Variants in MKI67 observed in about 807,000 individuals in gnomAD.
MKI67 encodes marker of proliferation Ki-67.
MKI67 carries 152 observed loss-of-function variants against 233.5 expected under a neutral mutation model. That is an observed-to-expected ratio of 0.65 (90% CI 0.57 to 0.74). The LOEUF (loss-of-function observed/expected upper bound fraction) is 0.74. Ranked by LOEUF, MKI67 falls within the 30% of genes least tolerant of loss-of-function variation. The pLI, the probability that MKI67 is intolerant of heterozygous loss-of-function variation, is 0.00. For missense variants in MKI67, 3,940 were observed against 3,885.2 expected (o/e 1.01, Z -0.37); for synonymous variants, 1,465 against 1,418.5 (o/e 1.03, Z -0.74).
rs781480835 is a variant in MKI67 at position 128,107,626 on chromosome 10, G to A, written c.4214C>T (p.Ser1405Leu). 2 of 1,614,076 alleles carry A rather than the reference G, an allele frequency of 1.2e-6. No homozygotes were observed. The highest frequency in any genetic ancestry group is 1.7e-5 in the Admixed American group (1 of 60,006). ...LEKRDVQKEL[S>L]ALKKLTQTSG... is the part of the protein sequence containing the mutation. Reference sequence around the variant, plus strand: ...TGTCTGTGTGAGCTTCTTCAGGGCTGAGAGCTCCTTCTGTACGTCCCTTTT... The same window carrying A: ...TGTCTGTGTGAGCTTCTTCAGGGCTAAGAGCTCCTTCTGTACGTCCCTTTT... Residue 1405 changes from serine (S) to leucine (L), a missense_variant, in exon 13 of 15, where the codon TCA becomes TTA. By Grantham distance (145) the Ser-to-Leu change is moderately radical. Coordinates refer to ENST00000368654, the MANE Select transcript of MKI67 (RefSeq NM_002417.5).
rs1459338581 is a variant in MKI67 at position 128,106,766 on chromosome 10, C to CAGTTAGACTTGCTGCT, written c.5058_5073dup (p.Gly1692SerfsTer15). On this transcript the variant is annotated frameshift_variant, in exon 13 of 15. Transcript: ENST00000368654. LOFTEE classifies it high-confidence loss of function. The stretch of plus-strand genomic sequence containing the variant: ...GGAGTTCTCAGCTGCCTCTTGCTGC[C>CAGTTAGACTTGCTGCT]AGTTAGACTTGCTGCTGAGTCTAAG... 6.2e-7 allele frequency: 1 copy of CAGTTAGACTTGCTGCT among 1,614,066 alleles called. No homozygotes were observed. The highest frequency in any genetic ancestry group is 1.7e-5 in the Admixed American group (1 of 60,018).
Position 128,102,839 on chromosome 10 carries a change from C to T in MKI67, c.9001G>A (p.Gly3001Ser). ...LPPLPFKRGG[G>S]KDGSVTGTKR... is the part of the protein sequence containing the mutation. ...GTTCCCGTGACGCTTCCATCTTTGCCACCTCCCCTCTTGAAGGGCAGTGGG... is the reference window on the plus strand; with the variant it reads ...GTTCCCGTGACGCTTCCATCTTTGCTACCTCCCCTCTTGAAGGGCAGTGGG... The change falls in exon 13 of 15, where the codon GGC becomes AGC. Residue 3001 changes from glycine to serine, a missense_variant. Coordinates refer to ENST00000368654, the MANE Select transcript of MKI67 (RefSeq NM_002417.5). The T allele has an allele frequency of 6.2e-7, 1 of 1,614,210 alleles. No individual in the cohort carries two copies. Among genetic ancestry groups the T allele is most frequent in the Non-Finnish European group, 8.5e-7 (1 of 1,180,044 alleles).
At position 128,108,447 on chromosome 10, in the gene MKI67, A is replaced by T; in HGVS notation, c.3393T>A (p.Ser1131=). The stretch of plus-strand genomic sequence containing the variant: ...GAGTGTCCACTGATTCTGGTGGTGG[A>T]GATTTGCAGGCTATTTTGGTAGTTT... The part of the protein sequence containing the change: ...DEKTTKIACK[S]PPPESVDTPT... The change falls in exon 13 of 15, where the codon TCT becomes TCA. Residue 1131 remains serine, a synonymous_variant. Transcript: ENST00000368654. The T allele has an allele frequency of 6.2e-7, 1 of 1,613,652 alleles. No individual in the cohort carries two copies. Among genetic ancestry groups the T allele is most frequent in the Non-Finnish European group, 8.5e-7 (1 of 1,179,958 alleles).
At chr10:128,122,481 A>G (rs1852969130) in intron 4 of MKI67, among the ~76,000 whole-genome samples, 1 of 152,122 alleles carries the variant, frequency 6.6e-6, no homozygotes, top group African/African-American at 2.4e-5. Context: ...ATCAGTCCAT[A>G]ATAGGTGGTG....
chr10:128,114,185 G>A (rs1369224494), intron 7 of MKI67, among the ~76,000 whole-genome samples: 1 of 152,198 alleles, frequency 6.6e-6, no homozygotes, highest in South Asian at 2.1e-4. Flanking sequence ...TAGGCCACCT[G>A]CAGAAACACA....
rs1257779334 is a variant in MKI67, at chr10:128,115,458, T to C, written c.950A>G (p.Lys317Arg). ...AGACTCCACGTCTCTTCCCTTCCCC[T>C]TGTTCTGGTCAAGCTCTTGTTCAGG... ...ASPEQELDQN[K>R]GKGRDVESVQ... Residue 317 changes from lysine to arginine, a missense_variant, in exon 7 of 15, where the codon AAG becomes AGG. Coordinates refer to ENST00000368654, the MANE Select transcript of MKI67 (RefSeq NM_002417.5). 9.3e-6 allele frequency: 15 copies of C among 1,613,680 alleles called. No homozygotes were observed. Among genetic ancestry groups the C allele is most frequent in the Non-Finnish European group, 1.3e-5 (15 of 1,179,914 alleles).
In MKI67 at chr10:128,103,789, T is replaced by C. The variant is rs147190125; in HGVS notation, c.8051A>G (p.Glu2684Gly). 6.2e-7 allele frequency: 1 copy of C among 1,613,840 alleles called. No individual in the cohort carries two copies. The highest frequency in any genetic ancestry group is 1.3e-5 in the African/African-American group (1 of 74,820). The change falls in exon 13 of 15, where the codon GAG becomes GGG. Residue 2684 changes from glutamate to glycine, a missense_variant. Transcript: ENST00000368654. ...QPLEDLAGFT[E>G]LSETSGHTQE... The stretch of plus-strand genomic sequence containing the variant: ...AGTGTGACCTGATGTTTCAGAGAGC[T>C]CTGTGAAGCCGGCCAGGTCTTCCAG...
chr10:128,121,424 A>ACCATATAGTATATACTGTATACAGTAT, intron 4 of MKI67, among the ~76,000 whole-genome samples: 1 of 141,366 alleles, frequency 7.1e-6, no homozygotes, highest in East Asian at 2.0e-4. Flanking sequence ...TATTATATAT[A>ACCATATAGTATATACTGTATACAGTAT]CCATATAGTA....
At position 128,107,031 on chromosome 10, in the gene MKI67, T is replaced by G; in HGVS notation, c.4809A>C (p.Glu1603Asp). Residue 1603 changes from glutamate (E) to aspartate (D), a missense_variant, in exon 13 of 15, where the codon GAA (glutamate) becomes GAC (aspartate). Transcript: ENST00000368654. ...ELFQTRGHTE[E>D]SMTNDKTAKV... Reference sequence around the variant, plus strand: ...TGGCAGTTTTATCGTTAGTCATTGATTCCTCAGTGTGACCTCGTGTCTGGA... The same window carrying G: ...TGGCAGTTTTATCGTTAGTCATTGAGTCCTCAGTGTGACCTCGTGTCTGGA... 6.2e-7 allele frequency: 1 copy of G among 1,614,134 alleles called. No homozygotes were observed. Among genetic ancestry groups the G allele is most frequent in the Non-Finnish European group, 8.5e-7 (1 of 1,180,024 alleles).
Position 128,106,945 on chromosome 10 carries a change from C to A in MKI67, c.4895G>T (p.Arg1632Leu). 1.9e-6 allele frequency: 3 copies of A among 1,612,598 alleles called. No individual in the cohort carries two copies. The highest frequency in any genetic ancestry group is 2.5e-6 in the Non-Finnish European group (3 of 1,179,628). Residue 1632 changes from arginine to leucine, a missense_variant, in exon 13 of 15, where the codon CGG becomes CTG. Arg to Leu is a moderately radical substitution (Grantham distance 102). Transcript: ENST00000368654. ...CACTTTCCCCAGGGATGTCTTGAGC[C>A]GTCGCTTGGAGCTTGCTGGGTTTTT... Reference protein sequence around the residue: ...PDKNPASSKRRLKTSLGKVGV... With the variant: ...PDKNPASSKRLLKTSLGKVGV...
rs2136130582 is a variant in MKI67 at position 128,105,188 on chromosome 10, T to C, written c.6652A>G (p.Lys2218Glu). Reference sequence around the variant, plus strand: ...GGTTGTGGAGATCTGCAGGCTATTTTGGTAGTTTTCTCATGAGTCGTGGGC... The same window carrying C: ...GGTTGTGGAGATCTGCAGGCTATTTCGGTAGTTTTCTCATGAGTCGTGGGC... ...DKPTTHEKTT[K>E]IACRSPQPDP... The change falls in exon 13 of 15, where the codon AAA becomes GAA. Residue 2218 changes from lysine to glutamate, a missense_variant. Coordinates refer to ENST00000368654, the MANE Select transcript of MKI67 (RefSeq NM_002417.5). 6.2e-7 allele frequency: 1 copy of C among 1,613,820 alleles called. No individual in the cohort carries two copies. Among genetic ancestry groups the C allele is most frequent in the Middle Eastern group, 1.6e-4 (1 of 6,062 alleles).
In MKI67 at chr10:128,106,930, A is replaced by G; in HGVS notation, c.4910T>C (p.Leu1637Pro). 6.2e-7 allele frequency: 1 copy of G among 1,613,960 alleles called. No homozygotes were observed. Among genetic ancestry groups the G allele is most frequent in the Non-Finnish European group, 8.5e-7 (1 of 1,180,006 alleles). The change falls in exon 13 of 15, where the codon CTG (leucine) becomes CCG (proline). Residue 1637 changes from leucine (L) to proline (P), a missense_variant. Transcript: ENST00000368654. ...CTCTTCTTTCACGCCCACTTTCCCC[A>G]GGGATGTCTTGAGCCGTCGCTTGGA... ...ASSKRRLKTS[L>P]GKVGVKEELL...
In MKI67 at chr10:128,107,183, C is replaced by G. The variant is rs371337191; in HGVS notation, c.4657G>C (p.Ala1553Pro). 3.1e-6 allele frequency: 5 copies of G among 1,613,560 alleles called. No homozygotes were observed. Among genetic ancestry groups the G allele is most frequent in the Non-Finnish European group, 2.5e-6 (3 of 1,179,922 alleles). The change falls in exon 13 of 15, where the codon GCA becomes CCA. Residue 1553 changes from alanine (A) to proline (P), a missense_variant. Transcript: ENST00000368654. ...PAVSGEKNIY[A>P]FMGTPVQKLD... Reference sequence around the variant, plus strand: ...TTCTGCACTGGAGTTCCCATAAATGCGTAGATGTTTTTCTCACCACTTACT... The same window carrying G: ...TTCTGCACTGGAGTTCCCATAAATGGGTAGATGTTTTTCTCACCACTTACT...
In MKI67 at chr10:128,103,054, C is replaced by T. The variant is rs1450051218; in HGVS notation, c.8786G>A (p.Gly2929Asp). 9.3e-6 allele frequency: 15 copies of T among 1,614,096 alleles called. No homozygotes were observed. Among genetic ancestry groups the T allele is most frequent in the African/African-American group, 1.3e-5 (1 of 74,934 alleles). Reference sequence around the variant, plus strand: ...ACCATTTGCCAGTTCCTCAGTGTGGCCTGGTGTTTGAGAGAGCTCTTGGAA... The same window carrying T: ...ACCATTTGCCAGTTCCTCAGTGTGGTCTGGTGTTTGAGAGAGCTCTTGGAA... Reference protein sequence around the residue: ...ASFQELSQTPGHTEELANGAA... With the variant: ...ASFQELSQTPDHTEELANGAA... The change falls in exon 13 of 15, where the codon GGC (glycine) becomes GAC (aspartate). Residue 2929 changes from glycine (G) to aspartate (D), a missense_variant. Gly to Asp is a moderately conservative substitution (Grantham distance 94). Coordinates refer to ENST00000368654, the MANE Select transcript of MKI67 (RefSeq NM_002417.5).
chr10:128,104,075 G>A lies in MKI67; in HGVS notation c.7765C>T (p.Pro2589Ser). 1.2e-6 allele frequency: 2 copies of A among 1,614,006 alleles called. No individual in the cohort carries two copies. Among genetic ancestry groups the A allele is most frequent in the Non-Finnish European group, 1.7e-6 (2 of 1,180,014 alleles). The change falls in exon 13 of 15, where the codon CCC (proline) becomes TCC (serine). Residue 2589 changes from proline (P) to serine (S), a missense_variant. By Grantham distance (74) the Pro-to-Ser change is moderately conservative (BLOSUM62 -1). Coordinates refer to ENST00000368654, the MANE Select transcript of MKI67 (RefSeq NM_002417.5). Reference sequence around the variant, plus strand: ...GCAGTGTCTGTTAGTTCTGGTGGGGGAGATTTGCAGGGAATTTTTGTGTTT... The same window carrying A: ...GCAGTGTCTGTTAGTTCTGGTGGGGAAGATTTGCAGGGAATTTTTGTGTTT... ...DKNTKIPCKS[P>S]PPELTDTATS...
intron 7 of MKI67, among the ~76,000 whole-genome samples, chr10:128,114,700 T>A (rs976504814): frequency 6.6e-6 from 1 of 152,224 alleles, no homozygotes; most frequent in Non-Finnish European, 1.5e-5. Context: ...CCCTGCTTCA[T>A]GATTGCCTGA....
chr10:128,101,528 A>G lies in MKI67; in HGVS notation c.9435T>C (p.Pro3145=). 1 of 1,614,210 alleles carries G rather than the reference A, an allele frequency of 6.2e-7. No individual in the cohort carries two copies. The highest frequency in any genetic ancestry group is 8.5e-7 in the Non-Finnish European group (1 of 1,180,028). ...TTTTGTTCTCAGTGACTTTGTCTCT[A>G]GGTATGGGTTTCCGGGCTCCATCAT... The part of the protein sequence containing the change: ...NPDDGARKPI[P]RDKVTENKRC... The change falls in exon 14 of 15, where the codon CCT becomes CCC. Residue 3145 remains proline (P), a synonymous_variant. Coordinates refer to ENST00000368654, the MANE Select transcript of MKI67 (RefSeq NM_002417.5).
At chr10:128,113,356 T>A in intron 8 of MKI67, 71 bp downstream of exon 8, 1 of 1,438,006 alleles carries the variant, frequency 7.0e-7, no homozygotes, top group Non-Finnish European at 9.6e-7. Flanking sequence ...CTTGTGTCAG[T>A]ATTTGGAAAG....
At chr10:128,111,889 C>T in intron 10 of MKI67, 38 bp downstream of exon 10, 2 of 1,605,814 alleles carry the variant, frequency 1.2e-6, no homozygotes, top group Non-Finnish European at 1.7e-6. Context: ...TTCGATGACA[C>T]CGGTATGTGT....
Sources: allele counts gnomAD v4.1 joint callset (sites outside exome capture counted in the v4.1 genomes callset), GRCh38; gene constraint gnomAD v4.1.1; transcripts MANE v1.5; gene names NCBI Gene and HGNC (gene_info 2026-07-23, HGNC 2026-07-21).